Variants in ANK2 observed in about 807,000 individuals in gnomAD.
ANK2 encodes the protein ankyrin-2.
Under a neutral mutation model 360.5 loss-of-function variants are expected in ANK2, and 83 were observed. The observed-to-expected ratio is 0.23, with a 90% CI of 0.19 to 0.28. The LOEUF is 0.28. Ranked by LOEUF, ANK2 falls within the 10% of genes least tolerant of loss-of-function variation. The pLI is 1.00. For synonymous variants in ANK2, 1,740 were observed against 1,759.5 expected (o/e 0.99, Z 0.28); for missense variants, 4,201 against 4,795.7 (o/e 0.88, Z 3.66).
At chr4:113,211,776 C>G (rs907008355) in intron 4 of ANK2, among the ~76,000 whole-genome samples, 4 of 152,128 alleles carry the variant, frequency 2.6e-5, no homozygotes, top group Non-Finnish European at 5.9e-5. Context: ...TGGCTAAATA[C>G]TCCATATGTT....
In ANK2 at chr4:112,925,486, C is replaced by G. The variant is rs117335526; in HGVS notation, c.21+20972C>G. Among the ~76,000 whole-genome samples the G allele has an allele frequency of 7.2e-3, 1,091 of 152,172 alleles. 26 individuals carry two copies. Among genetic ancestry groups the G allele is most frequent in the East Asian group, 0.042 (216 of 5,182 alleles). ...ATCTGCATAACGTAGATCCTATTGACTATAGAAATTATGTCCTGAAAGAAA... is the reference window on the plus strand; with the variant it reads ...ATCTGCATAACGTAGATCCTATTGAGTATAGAAATTATGTCCTGAAAGAAA... On this transcript the variant is annotated intron_variant, in intron 2 of 30. Transcript: ENST00000503271.
chr4:113,047,999 G>C (rs2065128141), upstream of ANK2, among the ~76,000 whole-genome samples: 1 of 151,898 alleles, frequency 6.6e-6, no homozygotes, highest in African/African-American at 2.4e-5. Context: ...CACTTTCAGA[G>C]TTGAAAACTG....
At chr4:113,014,478 T>C (rs1478752567) in intron 2 of ANK2, among the ~76,000 whole-genome samples, 1 of 152,160 alleles carries the variant, frequency 6.6e-6, no homozygotes, top group Non-Finnish European at 1.5e-5. Flanking sequence ...GACTACCATG[T>C]CTATTAAGTC....
At chr4:112,784,516 T>G in the ANK2 span, among the ~76,000 whole-genome samples, 2 of 152,116 alleles carry the variant, frequency 1.3e-5, no homozygotes, top group East Asian at 3.9e-4. Flanking sequence ...GCTAATTTTT[T>G]GTATTTGTAG....
At chr4:113,099,257 A>G (rs993426172) in intron 1 of ANK2, among the ~76,000 whole-genome samples, 4 of 53,872 alleles carry the variant, frequency 7.4e-5, no homozygotes, top group African/African-American at 1.6e-4. Context: ...AAAATCCCAA[A>G]TGGTCAACAA....
chr4:113,363,422 A>G lies in ANK2; in HGVS notation c.10841A>G (p.His3614Arg), dbSNP rs757161574. 33 of 1,613,526 alleles carry G rather than the reference A, an allele frequency of 2.0e-5. No individual in the cohort carries two copies. Among genetic ancestry groups the G allele is most frequent in the Non-Finnish European group, 2.7e-5 (32 of 1,179,692 alleles). The change falls in exon 40 of 46, where the codon CAT becomes CGT. Residue 3614 changes from histidine (H) to arginine (R), a missense_variant. Around this residue, in one of 4 missense-constraint regions of ANK2, gnomAD observed 2,642 missense variants for 2,714.5 expected, o/e 0.97. Transcript: ENST00000357077. ...CCCAACTCTCTTCAAGACCAGAGTC[A>G]TGCACTGTTGAAGTACTGGCTAGAG... ...ENPNSLQDQSHALLKYWLERD... is the reference protein window; with the variant it reads ...ENPNSLQDQSRALLKYWLERD...
chr4:112,804,765 G>A, the ANK2 span, among the ~76,000 whole-genome samples: 1 of 151,792 alleles, frequency 6.6e-6, no homozygotes, highest in East Asian at 1.9e-4. Flanking sequence ...GACTCATCTC[G>A]GCAACACAGC....
At chr4:112,898,820 T>C (rs2082457765) in intron 1 of ANK2, among the ~76,000 whole-genome samples, 1 of 152,212 alleles carries the variant, frequency 6.6e-6, no homozygotes, top group African/African-American at 2.4e-5. Context: ...AATTTTTTTG[T>C]AGTTGACACA....
chr4:113,021,528 A>ACCCCCCCC (rs1203653406), intron 2 of ANK2, among the ~76,000 whole-genome samples: 2 of 63,238 alleles, frequency 3.2e-5, no homozygotes, highest in African/African-American at 1.3e-4. Flanking sequence ...ACACACACAC[A>ACCCCCCCC]CCCACACACA....
chr4:113,296,855 C>A (rs2071832236), intron 22 of ANK2, among the ~76,000 whole-genome samples: 1 of 152,092 alleles, frequency 6.6e-6, no homozygotes, highest in South Asian at 2.1e-4. Flanking sequence ...AATTGATCAA[C>A]CATCATCAAT....
intron 2 of ANK2, among the ~76,000 whole-genome samples, chr4:112,987,049 A>G (rs953384787): frequency 1.3e-5 from 2 of 152,218 alleles, no homozygotes; most frequent in Non-Finnish European, 2.9e-5. Context: ...ACACAAAAAA[A>G]ATTTCATAAT....
chr4:113,102,754 A>C lies in ANK2; in HGVS notation c.84+52942A>C, dbSNP rs192974934. ...TTTGGCAACGTGGAGGTCACTAGTA[A>C]TTTAGTAAGATATTTCCTAGTATCT... On this transcript the variant is annotated intron_variant, in intron 1 of 45. Transcript: ENST00000357077. Among the ~76,000 whole-genome samples, 6 of 152,284 alleles carry C rather than the reference A, an allele frequency of 3.9e-5. No homozygotes were observed. In the East Asian group the frequency reaches 1.2e-3, roughly 29 times the overall value.
intron 24 of ANK2, among the ~76,000 whole-genome samples, chr4:113,311,628 A>G (rs2079995408): frequency 6.6e-6 from 1 of 152,050 alleles, no homozygotes; most frequent in African/African-American, 2.4e-5. Flanking sequence ...AAATCAAACA[A>G]CTAGTAAGAA....
intron 1 of ANK2, among the ~76,000 whole-genome samples, chr4:113,142,801 A>C (rs1423318128): frequency 2.0e-5 from 3 of 152,110 alleles, no homozygotes; most frequent in African/African-American, 7.2e-5. Flanking sequence ...AGTTGTCAGC[A>C]TGTTACTTGG....
chr4:112,870,655 C>A (rs1027108531), intron 1 of ANK2, among the ~76,000 whole-genome samples: 3 of 152,204 alleles, frequency 2.0e-5, no homozygotes, highest in Non-Finnish European at 4.4e-5. Flanking sequence ...TTCCACTTAT[C>A]TACATGTTTA....
At chr4:113,282,958 A>T in intron 18 of ANK2, 86 bp downstream of exon 18, 1 of 1,439,224 alleles carries the variant, frequency 6.9e-7, no homozygotes, top group Non-Finnish European at 9.7e-7. Flanking sequence ...AACAAAAAGG[A>T]GCAATGTATT....
chr4:113,346,048 A>G (rs377569113), intron 35 of ANK2, 26 bp downstream of exon 35: 4 of 1,612,012 alleles, frequency 2.5e-6, no homozygotes, highest in Non-Finnish European at 3.4e-6. Context: ...CTATAGTGCA[A>G]TTCAGGTAGA....
chr4:113,014,848 C>CTTTTTTTTTTTTTT (rs530387481), intron 2 of ANK2, among the ~76,000 whole-genome samples: 1 of 70,288 alleles, frequency 1.4e-5, no homozygotes, highest in African/African-American at 5.8e-5. Context: ...GATCATAGAG[C>CTTTTTTTTTTTTTT]TTTTTTTTTT....
At chr4:113,278,628 T>C (rs1033422518) in intron 17 of ANK2, 70 bp downstream of exon 17, 5 of 1,462,402 alleles carry the variant, frequency 3.4e-6, no homozygotes, top group Non-Finnish European at 4.8e-6. Context: ...GAGAATTGTC[T>C]TTTAAACACA....
Sources: gnomAD v4.1 joint callset for allele counts (sites outside exome capture counted in the v4.1 genomes callset) on GRCh38, gnomAD v4.1.1 for gene constraint, gnomAD v4.1.1 regional missense constraint, MANE v1.5 for transcripts, NCBI Gene and HGNC (gene_info 2026-07-23, HGNC 2026-07-21) for gene names.